TMX1: variants seen among roughly 807,000 people sequenced by gnomAD.
TMX1 encodes the protein thioredoxin-related transmembrane protein 1.
TMX1 carries 25 observed loss-of-function variants against 36.6 expected under a neutral mutation model. The ratio of observed to expected loss-of-function variants is 0.68; its 90% CI spans 0.50 to 0.95. The LOEUF is 0.95. TMX1 is among the 40% of genes least tolerant of loss of function. TMX1 has a pLI of 0.00. For missense variants in TMX1, 347 were observed against 339.6 expected, an observed-to-expected ratio of 1.02 and a Z score of -0.17; for synonymous variants, 133 against 118.0, an observed-to-expected ratio of 1.13 and a Z score of -0.82.
At position 51,254,472 on chromosome 14, in the gene TMX1, A is replaced by G. The variant is rs760507589; in HGVS notation, c.796A>G (p.Ile266Val). The change falls in exon 8 of 8, where the codon ATA (isoleucine) becomes GTA (valine). Residue 266 changes from isoleucine (I) to valine (V), a missense_variant. Coordinates refer to ENST00000457354, the MANE Select transcript of TMX1 (RefSeq NM_030755.5). ...GTNKDFPQNA[I>V]RQRSLGPSLA... The stretch of plus-strand genomic sequence containing the variant: ...AAACAAAGACTTTCCACAGAATGCC[A>G]TAAGACAACGCTCTCTGGGTCCATC... 7.9e-5 allele frequency: 127 copies of G among 1,610,532 alleles called. No homozygotes were observed. Among genetic ancestry groups the G allele is most frequent in the Non-Finnish European group, 1.0e-4 (118 of 1,178,974 alleles).
intron 7 of TMX1, among the ~76,000 whole-genome samples, chr14:51,250,652 C>T (rs1265025206): frequency 3.9e-5 from 6 of 152,122 alleles, no homozygotes; most frequent in Admixed American, 6.5e-5. Flanking sequence ...CCACCACGCC[C>T]GGCTAATTTT....
At position 51,257,411 on chromosome 14, in the gene TMX1, T is replaced by C. The variant is rs2065843449; in HGVS notation, c.*2892T>C. 1 of 152,212 alleles carries C rather than the reference T, an allele frequency of 6.6e-6. No homozygotes were observed. The highest frequency in any genetic ancestry group is 2.1e-4 in the South Asian group (1 of 4,828). The allele number at this position is 152,212 out of a possible 1,614,324, so 9.4% of individuals were successfully genotyped here. ...CATTGTAGTTCATCCCCATGGTCAATTTAAGGTAGAGTTCTTACAATATAT... is the reference window on the plus strand; with the variant it reads ...CATTGTAGTTCATCCCCATGGTCAACTTAAGGTAGAGTTCTTACAATATAT... On this transcript the variant is annotated 3_prime_UTR_variant, in exon 8 of 8. Transcript: ENST00000457354.
intron 2 of TMX1, chr14:51,244,175 A>G (rs1037295545): frequency 2.8e-5 from 11 of 397,088 alleles, no homozygotes; most frequent in African/African-American, 6.1e-5. Context: ...CTGGTTGTGT[A>G]TACACCTCAT....
At position 51,250,242 on chromosome 14, in the gene TMX1, A is replaced by G. The variant is rs534974196; in HGVS notation, c.664+477A>G. 2.6e-5 allele frequency among the ~76,000 whole-genome samples: 4 copies of G among 152,308 alleles called. No homozygotes were observed. The South Asian group carries it at 6.2e-4, about 24-fold the overall frequency. On this transcript the variant is annotated intron_variant, in intron 7 of 7. Transcript: ENST00000457354. ...CTACAGAACAATTTAAATAATTACA[A>G]GCATTTACCAATCTTGTAATTGTAC...
intron 4 of TMX1, among the ~76,000 whole-genome samples, chr14:51,247,543 G>C (rs973784171): frequency 6.6e-6 from 1 of 151,928 alleles, no homozygotes; most frequent in African/African-American, 2.4e-5. Context: ...ATTTTTAGTA[G>C]AGACGGGGTT....
At position 51,249,341 on chromosome 14, in the gene TMX1, A is replaced by G; in HGVS notation, c.459A>G (p.Ser153=). The part of the protein sequence containing the change: ...GPGSVLMSSM[S]ALFQLSMWIR... ...TTATTTTTAGGATGAGTAGTATGTC[A>G]GCACTCTTTCAGCTATCTATGTGGA... Residue 153 remains serine, a synonymous_variant, in exon 5 of 8, where the codon TCA becomes TCG. Transcript: ENST00000457354. 5 of 1,606,990 alleles carry G rather than the reference A, an allele frequency of 3.1e-6. No homozygotes were observed. Among genetic ancestry groups the G allele is most frequent in the Non-Finnish European group, 4.2e-6 (5 of 1,177,858 alleles).
At position 51,257,213 on chromosome 14, in the gene TMX1, G is replaced by A. The variant is rs566223444; in HGVS notation, c.*2694G>A. Reference sequence around the variant, plus strand: ...ATAATTATTCAGTATTTGCAGTCTCGTGATGTTGGTTATTGCATAAAGTAA... The same window carrying A: ...ATAATTATTCAGTATTTGCAGTCTCATGATGTTGGTTATTGCATAAAGTAA... On this transcript the variant is annotated 3_prime_UTR_variant, in exon 8 of 8. Transcript: ENST00000457354. 1 of 152,216 alleles carries A rather than the reference G, an allele frequency of 6.6e-6. No individual in the cohort carries two copies. The highest frequency in any genetic ancestry group is 1.9e-4 in the East Asian group (1 of 5,194). 9.4% of individuals were successfully genotyped at this position (152,216 alleles called of 1,614,324 possible).
chr14:51,241,825 G>A (rs1029709782), intron 1 of TMX1, among the ~76,000 whole-genome samples: 19 of 152,144 alleles, frequency 1.2e-4, no homozygotes, highest in Non-Finnish European at 2.5e-4. Flanking sequence ...TAAGTCCTGT[G>A]TTATTTTTTA....
rs2065844183 is a variant in TMX1, at chr14:51,257,596, G to A, written c.*3077G>A. 1 of 152,128 alleles carries A rather than the reference G, an allele frequency of 6.6e-6. No homozygotes were observed. The highest frequency in any genetic ancestry group is 2.4e-5 in the African/African-American group (1 of 41,426). The allele number at this position is 152,128 out of a possible 1,614,324, so 9.4% of individuals were successfully genotyped here. ...TGCTTATCTAGCAACTTTTGTATTT[G>A]TGAAACCATTAAAACTAGAGTAACA... On this transcript the variant is annotated 3_prime_UTR_variant, in exon 8 of 8. Coordinates refer to ENST00000457354, the MANE Select transcript of TMX1 (RefSeq NM_030755.5).
At chr14:51,243,040 G>GA (rs2065768921) in intron 1 of TMX1, among the ~76,000 whole-genome samples, 2 of 146,528 alleles carry the variant, frequency 1.4e-5, no homozygotes, top group South Asian at 4.4e-4. Flanking sequence ...GTGAAGTACA[G>GA]AAAGTATAGT....
At chr14:51,242,107 C>T (rs1031303542) in intron 1 of TMX1, among the ~76,000 whole-genome samples, 3 of 151,728 alleles carry the variant, frequency 2.0e-5, no homozygotes, top group Non-Finnish European at 2.9e-5. Flanking sequence ...CCAGCCTGGG[C>T]GACAGAGTGA....
intron 2 of TMX1, 58 bp downstream of exon 2, chr14:51,244,029 C>A (rs959719034): frequency 1.1e-5 from 15 of 1,356,392 alleles, no homozygotes; most frequent in Non-Finnish European, 1.3e-5. Context: ...TATATTTATC[C>A]TTTTTTCTAC....
chr14:51,252,889 T>C (rs1226624194), intron 7 of TMX1, among the ~76,000 whole-genome samples: 1 of 152,222 alleles, frequency 6.6e-6, no homozygotes, highest in Non-Finnish European at 1.5e-5. Context: ...TCTCCACACC[T>C]TGACTTGTTC....
intron 3 of TMX1, among the ~76,000 whole-genome samples, chr14:51,246,356 G>A (rs1424690015): frequency 2.0e-5 from 3 of 152,108 alleles, no homozygotes; most frequent in Non-Finnish European, 4.4e-5. Flanking sequence ...TAGCTCAAAT[G>A]ACACTTCACA....
chr14:51,254,448 AAC>A lies in TMX1; in HGVS notation c.774_775del (p.Asn258LysfsTer21). On this transcript the variant is annotated frameshift_variant, in exon 8 of 8. Transcript: ENST00000457354. LOFTEE classifies it high-confidence loss of function. ...AGAAGCTGAAAGTAAAGAAGGAACA[AAC>A]AAAGACTTTCCACAGAATGCCATAA... ...EEEAESKEGT[N>X]KDFPQNAIRQ... is the part of the protein sequence containing the mutation. The A allele has an allele frequency of 6.2e-7, 1 of 1,612,302 alleles. No homozygotes were observed. The highest frequency in any genetic ancestry group is 8.5e-7 in the Non-Finnish European group (1 of 1,179,340).
In TMX1 at chr14:51,257,009, A is replaced by G. The variant is rs1439066598; in HGVS notation, c.*2490A>G. ...ACTCTTGTTGCCCAGGCTGGAGTGC[A>G]ATGGCATGATCTTGGCTCACTGCAA... On this transcript the variant is annotated 3_prime_UTR_variant, in exon 8 of 8. Transcript: ENST00000457354. 1 of 150,338 alleles carries G rather than the reference A, an allele frequency of 6.7e-6. No individual in the cohort carries two copies. Among genetic ancestry groups the G allele is most frequent in the Non-Finnish European group, 1.5e-5 (1 of 67,830 alleles). The allele number at this position is 150,338 out of a possible 1,614,324, so 9.3% of individuals were successfully genotyped here. A position where few individuals can be genotyped will look rare whatever the true frequency, so the allele number is the denominator to read the frequency against.
At chr14:51,241,560 A>G (rs1197672920) in intron 1 of TMX1, among the ~76,000 whole-genome samples, 1 of 152,200 alleles carries the variant, frequency 6.6e-6, no homozygotes, top group African/African-American at 2.4e-5. Context: ...TGTTGTTAGA[A>G]CACCTTCTTC....
At chr14:51,240,478 G>A (rs1448239119) in intron 1 of TMX1, 34 bp downstream of exon 1, 4 of 1,602,182 alleles carry the variant, frequency 2.5e-6, no homozygotes, top group Non-Finnish European at 3.4e-6. Context: ...CTACGTCCGT[G>A]CCTGGACACA....
intron 2 of TMX1, chr14:51,244,342 A>T (rs8012928): frequency 0.016 from 2,462 of 155,628 alleles, 76 homozygotes; most frequent in African/African-American, 0.056. Context: ...GTTCAGGTGA[A>T]CATTGGCCAA....
Sources: allele counts gnomAD v4.1 joint callset (sites outside exome capture counted in the v4.1 genomes callset), GRCh38; gene constraint gnomAD v4.1.1; transcripts MANE v1.5; gene names NCBI Gene and HGNC (gene_info 2026-07-23, HGNC 2026-07-21).